Variants in TIMM17A observed in about 807,000 individuals in gnomAD.
The protein encoded by TIMM17A is mitochondrial import inner membrane translocase subunit Tim17-A.
A neutral mutation model predicts 26.5 loss-of-function variants in TIMM17A; 15 were observed. That is an observed-to-expected ratio of 0.57 (90% confidence interval 0.38 to 0.87). The LOEUF is 0.87. Among genes scored for constraint, TIMM17A ranks in the 40% least tolerant of loss-of-function variants. TIMM17A has a pLI of 0.00. For missense variants in TIMM17A, 201 were observed against 210.0 expected, an observed-to-expected ratio of 0.96 and a Z score of 0.27; for synonymous variants, 80 against 70.8, an observed-to-expected ratio of 1.13 and a Z score of -0.66.
At chr1:201,959,729 CTTTCGG>C (rs1682488657) in intron 3 of TIMM17A, among the ~76,000 whole-genome samples, 3 of 152,110 alleles carry the variant, frequency 2.0e-5, no homozygotes, top group African/African-American at 7.2e-5. Flanking sequence ...AATCCCAGCA[CTTTCGG>C]AGGCCGAGGC....
At position 201,969,591 on chromosome 1, in the gene TIMM17A, G is replaced by A. The variant is rs1354222586; in HGVS notation, c.*37G>A. 6.4e-7 allele frequency: 1 copy of A among 1,550,440 alleles called. No homozygotes were observed. The highest frequency in any genetic ancestry group is 8.9e-7 in the Non-Finnish European group (1 of 1,123,764). Reference sequence around the variant, plus strand: ...TAGGATTTCTTTAACAGAACGAGTTGTGGTTCGAGAAGGATTTCAGAAGAT... The same window carrying A: ...TAGGATTTCTTTAACAGAACGAGTTATGGTTCGAGAAGGATTTCAGAAGAT... On this transcript the variant is annotated 3_prime_UTR_variant, in exon 6 of 6. Transcript: ENST00000367287.
intron 4 of TIMM17A, 115 bp from the exon 5 acceptor site, chr1:201,965,316 GAA>G: frequency 1.4e-6 from 1 of 709,966 alleles, no homozygotes; most frequent in East Asian, 2.7e-5. Context: ...TAGGCAATAA[GAA>G]AGAGTTTGGG....
In TIMM17A at chr1:201,963,726, G is replaced by C; in HGVS notation, c.301G>C (p.Ala101Pro). Residue 101 changes from alanine to proline, a missense_variant, in exon 4 of 6, where the codon GCC (alanine) becomes CCC (proline). By Grantham distance (27) the Ala-to-Pro change is conservative. Coordinates refer to ENST00000367287, the MANE Select transcript of TIMM17A (RefSeq NM_006335.3). The stretch of plus-strand genomic sequence containing the variant: ...CATCACAAGTGGTGCCTTAACGGGA[G>C]CCATACTGGCAGCAAGAAGTAAGTA... ...NSITSGALTG[A>P]ILAARNGPVA... The C allele has an allele frequency of 6.2e-7, 1 of 1,604,502 alleles. No individual in the cohort carries two copies. Among genetic ancestry groups the C allele is most frequent in the Non-Finnish European group, 8.5e-7 (1 of 1,177,692 alleles).
At chr1:201,956,966 A>C (rs1682423681) in intron 1 of TIMM17A, among the ~76,000 whole-genome samples, 1 of 152,076 alleles carries the variant, frequency 6.6e-6, no homozygotes, top group Non-Finnish European at 1.5e-5. Flanking sequence ...AAAAAAAAAA[A>C]AAAAAACAAC....
chr1:201,965,411 T>A, intron 4 of TIMM17A, 22 bp from the exon 5 acceptor site: 1 of 1,502,052 alleles, frequency 6.7e-7, no homozygotes, highest in Non-Finnish European at 9.3e-7. Context: ...AAAAATAATC[T>A]CTTTGTTATT....
At chr1:201,966,161 A>T (rs1476566814) in intron 5 of TIMM17A, among the ~76,000 whole-genome samples, 2 of 152,154 alleles carry the variant, frequency 1.3e-5, no homozygotes, top group African/African-American at 4.8e-5. Context: ...GCATAGGGTA[A>T]TAATTAAATT....
rs76856398 is a variant in TIMM17A at position 201,957,709 on chromosome 1, G to A, written c.190+135G>A. 2,828 of 629,754 alleles carry A rather than the reference G, an allele frequency of 4.5e-3. 14 individuals are homozygous for A. The highest frequency in any genetic ancestry group is 5.7e-3 in the Non-Finnish European group (2,154 of 377,768). 39.0% of individuals were successfully genotyped at this position (629,754 alleles called of 1,614,324 possible). ...TTTGTCACAAACATATATCCCTATA[G>A]TTTCTTCTTGATTTGTAGTTTGTTT... On this transcript the variant is annotated intron_variant, in intron 3 of 5. Transcript: ENST00000367287.
intron 1 of TIMM17A, 98 bp downstream of exon 1, chr1:201,955,650 G>A (rs945144247): frequency 3.9e-6 from 6 of 1,543,580 alleles, no homozygotes; most frequent in Admixed American, 3.5e-5. Flanking sequence ...AGACTCAACC[G>A]CAGCCTCGTC....
At chr1:201,961,337 G>A (rs1227933897) in intron 3 of TIMM17A, among the ~76,000 whole-genome samples, 1 of 152,126 alleles carries the variant, frequency 6.6e-6, no homozygotes, top group Non-Finnish European at 1.5e-5. Context: ...AAAGTGCTAG[G>A]ATCACAGGCG....
chr1:201,964,950 A>G (rs1319640306), intron 4 of TIMM17A, among the ~76,000 whole-genome samples: 2 of 141,854 alleles, frequency 1.4e-5, no homozygotes, highest in Non-Finnish European at 3.1e-5. Context: ...GCCCGGCCCT[A>G]TTTATTTATT....
At chr1:201,961,066 CTTTT>C (rs71141429) in intron 3 of TIMM17A, among the ~76,000 whole-genome samples, 1 of 136,062 alleles carries the variant, frequency 7.3e-6, no homozygotes. Flanking sequence ...CTTATATTTT[CTTTT>C]TTTTTTTTTT....
Position 201,957,215 on chromosome 1 carries a change from A to G in TIMM17A, c.27-66A>G, listed in dbSNP as rs569367397. 4.7e-5 allele frequency: 49 copies of G among 1,039,590 alleles called. 1 individual carries two copies. The South Asian group carries it at 6.3e-4, about 13-fold the overall frequency. 64.4% of individuals were successfully genotyped at this position (1,039,590 alleles called of 1,614,324 possible). ...TCTGTTCCATTATAATCCTTACTGT[A>G]TTGGCAAAGAAGATTTTATGGTTTG... On this transcript the variant is annotated intron_variant, in intron 1 of 5. Transcript: ENST00000367287.
intron 5 of TIMM17A, among the ~76,000 whole-genome samples, chr1:201,968,617 G>T (rs575457363): frequency 6.6e-6 from 1 of 151,888 alleles, no homozygotes; most frequent in African/African-American, 2.4e-5. Flanking sequence ...CAGGTGATCT[G>T]CCCGCCTCAA....
At position 201,970,006 on chromosome 1, in the gene TIMM17A, A is replaced by G. The variant is rs1030595320; in HGVS notation, c.*452A>G. The G allele has an allele frequency of 1.9e-5, 3 of 155,474 alleles. No homozygotes were observed. The highest frequency in any genetic ancestry group is 1.9e-4 in the Admixed American group (3 of 15,572). The allele number at this position is 155,474 out of a possible 1,614,324, so 9.6% of individuals were successfully genotyped here. On this transcript the variant is annotated 3_prime_UTR_variant, in exon 6 of 6. Coordinates refer to ENST00000367287, the MANE Select transcript of TIMM17A (RefSeq NM_006335.3). ...ATGTACTTCAAATAATGCATGTTTT[A>G]TAGTTAGTCCCTCATCACTTGAAGT...
chr1:201,966,366 T>A (rs1682626103), intron 5 of TIMM17A, among the ~76,000 whole-genome samples: 1 of 151,682 alleles, frequency 6.6e-6, no homozygotes, highest in East Asian at 2.0e-4. Flanking sequence ...TGTCTCAAAA[T>A]GAAACAAACA....
At chr1:201,967,677 G>C (rs1409566456) in intron 5 of TIMM17A, among the ~76,000 whole-genome samples, 1 of 151,702 alleles carries the variant, frequency 6.6e-6, no homozygotes, top group African/African-American at 2.4e-5. Flanking sequence ...TGAGCAGCTG[G>C]GACTATAGGT....
intron 4 of TIMM17A, among the ~76,000 whole-genome samples, chr1:201,965,055 A>T (rs1374708076): frequency 1.4e-5 from 2 of 148,026 alleles, no homozygotes; most frequent in South Asian, 4.3e-4. Context: ...GGGTTCAAGC[A>T]ATTCTCCTGC....
intron 5 of TIMM17A, among the ~76,000 whole-genome samples, chr1:201,967,517 T>TTTTATTTATTTTA (rs1553301606): frequency 5.6e-5 from 8 of 142,900 alleles, no homozygotes; most frequent in East Asian, 4.0e-4. Flanking sequence ...GGAATCTCCT[T>TTTTATTTATTTTA]TTTATTTATT....
chr1:201,964,997 G>A (rs1682603929), intron 4 of TIMM17A, among the ~76,000 whole-genome samples: 1 of 151,244 alleles, frequency 6.6e-6, no homozygotes, highest in Non-Finnish European at 1.5e-5. Flanking sequence ...TGTCACCCAG[G>A]CTGGAGTGCA....
Sources: allele counts gnomAD v4.1 joint callset (sites outside exome capture counted in the v4.1 genomes callset), GRCh38; gene constraint gnomAD v4.1.1; transcripts MANE v1.5; gene names NCBI Gene and HGNC (gene_info 2026-07-23, HGNC 2026-07-21).